Variants in CYP2B6 observed in about 807,000 individuals in gnomAD.
CYP2B6 encodes the protein cytochrome P450 family 2 subfamily B member 6, also known as cytochrome P450 2B6.
A neutral mutation model predicts 43.4 loss-of-function variants in CYP2B6; 35 were observed. The ratio of observed to expected loss-of-function variants is 0.81; its 90% CI spans 0.62 to 1.07. The LOEUF is 1.07. Ranked by LOEUF, CYP2B6 falls within the 50% of genes least tolerant of loss-of-function variation. CYP2B6 has a pLI of 0.00. For missense variants in CYP2B6, 624 were observed against 632.8 expected (o/e 0.99, Z 0.15); for synonymous variants, 239 against 239.2 (o/e 1.00, Z 0.01).
intron 3 of CYP2B6, among the ~76,000 whole-genome samples, chr19:41,004,954 A>G (rs555037438): frequency 1.3e-3 from 204 of 152,116 alleles, no homozygotes; most frequent in African/African-American, 4.8e-3. Context: ...CTGTGATTGT[A>G]CCACTGCACT....
chr19:40,994,306 G>C (rs1968966975), intron 1 of CYP2B6, among the ~76,000 whole-genome samples: 1 of 152,206 alleles, frequency 6.6e-6, no homozygotes, highest in Non-Finnish European at 1.5e-5. Context: ...CAAACCTCAA[G>C]ATACTCAAGG....
rs781078794 is a variant in CYP2B6 at position 41,012,832 on chromosome 19, A to G, written c.1294+17A>G. The stretch of plus-strand genomic sequence containing the variant: ...TCTCCTTAGGTAAGCTGGACCCACA[A>G]TTTCTTTCCCAGACACCAGAGGGCA... On this transcript the variant is annotated intron_variant, in intron 8 of 8. Transcript: ENST00000324071. 5 of 1,613,950 alleles carry G rather than the reference A, an allele frequency of 3.1e-6. No individual in the cohort carries two copies. The East Asian group carries it at 8.9e-5, about 29-fold the overall frequency.
chr19:41,001,799 C>T (rs1969093772), intron 1 of CYP2B6, among the ~76,000 whole-genome samples: 2 of 152,100 alleles, frequency 1.3e-5, no homozygotes, highest in Admixed American at 1.3e-4. Flanking sequence ...ATGGACATTC[C>T]ATTGGCAGAG....
chr19:41,008,223 T>C (rs1969225306), intron 4 of CYP2B6, among the ~76,000 whole-genome samples: 1 of 151,768 alleles, frequency 6.6e-6, no homozygotes, highest in Admixed American at 6.6e-5. Context: ...GTTGTTGTTG[T>C]TGTTTTCAGA....
chr19:40,993,031 C>T (rs995222594), intron 1 of CYP2B6, among the ~76,000 whole-genome samples: 2 of 151,990 alleles, frequency 1.3e-5, no homozygotes, highest in African/African-American at 4.8e-5. Flanking sequence ...TGATCAAAAT[C>T]GAATAATTCG....
chr19:41,009,568 G>T, intron 5 of CYP2B6, 173 bp downstream of exon 5: 1 of 731,788 alleles, frequency 1.4e-6, no homozygotes, highest in Admixed American at 2.7e-5. Flanking sequence ...AGAAAGATGA[G>T]GTGAAAGGAG....
chr19:41,012,486 G>C lies in CYP2B6; in HGVS notation c.1152+1G>C. On this transcript the variant is annotated splice_donor_variant, in intron 7 of 8. Coordinates refer to ENST00000324071, the MANE Select transcript of CYP2B6 (RefSeq NM_000767.5). LOFTEE classifies it high-confidence loss of function. ...CTTCCGAGGGTACATCATCCCCAAG[G>C]TAAGACCGGCTGGAACCCCATAGCC... 6.2e-7 allele frequency: 1 copy of C among 1,614,056 alleles called. No homozygotes were observed. The highest frequency in any genetic ancestry group is 8.5e-7 in the Non-Finnish European group (1 of 1,179,970).
intron 6 of CYP2B6, among the ~76,000 whole-genome samples, chr19:41,011,423 GATTA>G (rs1354354286): frequency 2.0e-5 from 3 of 152,150 alleles, no homozygotes; most frequent in East Asian, 1.9e-4. Flanking sequence ...ATTCATTAGT[GATTA>G]ATTAATCAAT....
intron 8 of CYP2B6, among the ~76,000 whole-genome samples, chr19:41,014,876 G>A (rs1429332251): frequency 6.7e-6 from 1 of 150,246 alleles, no homozygotes; most frequent in Non-Finnish European, 1.5e-5. Context: ...AAGGAGGAGG[G>A]GAGAAAGGAG....
intron 1 of CYP2B6, among the ~76,000 whole-genome samples, chr19:40,995,773 C>A (rs1313539514): frequency 3.3e-5 from 5 of 152,122 alleles, no homozygotes; most frequent in African/African-American, 2.4e-5. Flanking sequence ...GGACTCCAAT[C>A]AATTCAGCAT....
At chr19:40,994,703 C>T (rs1198330207) in intron 1 of CYP2B6, among the ~76,000 whole-genome samples, 8 of 152,082 alleles carry the variant, frequency 5.3e-5, no homozygotes, top group African/African-American at 7.3e-5. Flanking sequence ...GTCTTGCATA[C>T]GGGATGCCTG....
Position 41,017,842 on chromosome 19 carries a change from C to T in CYP2B6, c.*1015C>T, listed in dbSNP as rs1028919150. 4 of 144,618 alleles carry T rather than the reference C, an allele frequency of 2.8e-5. No individual in the cohort carries two copies. Among genetic ancestry groups the T allele is most frequent in the Admixed American group, 1.5e-4 (2 of 13,548 alleles). 9.0% of individuals were successfully genotyped at this position (144,618 alleles called of 1,614,324 possible). Reference sequence around the variant, plus strand: ...TCTGAATATTTCCCATAAACAGAATCATACAATATTTGATTTTTTTTTTTT... The same window carrying T: ...TCTGAATATTTCCCATAAACAGAATTATACAATATTTGATTTTTTTTTTTT... On this transcript the variant is annotated 3_prime_UTR_variant, in exon 9 of 9. Transcript: ENST00000324071.
At chr19:41,003,192 G>A (rs138000923) in intron 1 of CYP2B6, among the ~76,000 whole-genome samples, 203 of 152,146 alleles carry the variant, frequency 1.3e-3, no homozygotes, top group African/African-American at 4.7e-3. Flanking sequence ...TCCCCAAGTG[G>A]CTGCACAGTA....
At position 41,006,979 on chromosome 19, in the gene CYP2B6, C is replaced by T. The variant is rs201793417; in HGVS notation, c.559C>T (p.Arg187Ter). 19 of 1,614,052 alleles carry T rather than the reference C, an allele frequency of 1.2e-5. No homozygotes were observed. Among genetic ancestry groups the T allele is most frequent in the African/African-American group, 5.3e-5 (4 of 74,950 alleles). Residue 187 changes from arginine (R) to a stop codon, truncating the protein, a stop_gained, in exon 4 of 9, where the codon CGA (arginine) becomes TGA (stop). Coordinates refer to ENST00000324071, the MANE Select transcript of CYP2B6 (RefSeq NM_000767.5). LOFTEE classifies it high-confidence loss of function. ...CATCTGCTCCATCGTCTTTGGAAAA[C>T]GATTCCACTACCAAGATCAAGAGTT... ...NIICSIVFGK[R>*]FHYQDQEFLK...
At position 41,005,928 on chromosome 19, in the gene CYP2B6, A is replaced by C. The variant is rs111765762; in HGVS notation, c.485-977A>C. Among the ~76,000 whole-genome samples, 452 of 151,860 alleles carry C rather than the reference A, an allele frequency of 3.0e-3. 2 individuals carry two copies. Among genetic ancestry groups the C allele is most frequent in the Middle Eastern group, 0.01 (3 of 294 alleles). On this transcript the variant is annotated intron_variant, in intron 3 of 8. Transcript: ENST00000324071. ...AGACAAAGCTTAGGAAAAGGTCTGC[A>C]GAGGAATGAGAGAAGACAGGCAAGT...
intron 1 of CYP2B6, among the ~76,000 whole-genome samples, chr19:40,995,534 C>A (rs1968987572): frequency 6.6e-6 from 1 of 152,200 alleles, no homozygotes; most frequent in African/African-American, 2.4e-5. Flanking sequence ...TGGTTGTCAT[C>A]AACCGATGTG....
intron 3 of CYP2B6, among the ~76,000 whole-genome samples, chr19:41,006,688 A>G (rs936736090): frequency 6.6e-6 from 1 of 152,080 alleles, no homozygotes; most frequent in Admixed American, 6.6e-5. Flanking sequence ...CTGCCCATCT[A>G]TAAACTGGAG....
At chr19:41,000,875 CT>C (rs1344884141) in intron 1 of CYP2B6, among the ~76,000 whole-genome samples, 1 of 151,942 alleles carries the variant, frequency 6.6e-6, no homozygotes, top group Non-Finnish European at 1.5e-5. Flanking sequence ...CCTGTCTGTA[CT>C]AAAAAACACA....
At chr19:41,015,054 A>G (rs1969340537) in intron 8 of CYP2B6, among the ~76,000 whole-genome samples, 1 of 152,274 alleles carries the variant, frequency 6.6e-6, no homozygotes, top group East Asian at 1.9e-4. Flanking sequence ...GGAGATAGGA[A>G]GTTAAGCAAG....
Sources: gnomAD v4.1 joint callset for allele counts (sites outside exome capture counted in the v4.1 genomes callset) on GRCh38, gnomAD v4.1.1 for gene constraint, MANE v1.5 for transcripts, NCBI Gene and HGNC (gene_info 2026-07-23, HGNC 2026-07-21) for gene names.